SNCAIP: variants seen among roughly 807,000 people sequenced by gnomAD.
The protein encoded by SNCAIP is synphilin-1.
Under a neutral mutation model 86.7 loss-of-function variants are expected in SNCAIP, and 43 were observed. The ratio of observed to expected loss-of-function variants is 0.50; its 90% CI spans 0.39 to 0.64. The LOEUF is 0.64. Ranked by LOEUF, SNCAIP falls within the 30% of genes least tolerant of loss-of-function variation. The probability of loss-of-function intolerance (pLI) is 0.00; values close to 1 mark genes in which losing one functional copy is unlikely to be tolerated. For synonymous variants in SNCAIP, 417 were observed against 427.2 expected (o/e 0.98, Z 0.29); for missense variants, 981 against 1,103.1 (o/e 0.89, Z 1.57).
Position 122,372,369 on chromosome 5 carries a change from A to C in SNCAIP, c.-46-18720A>C, listed in dbSNP as rs575005240. 2.0e-5 allele frequency among the ~76,000 whole-genome samples: 3 copies of C among 152,280 alleles called. No individual in the cohort carries two copies. The South Asian group carries it at 6.2e-4, about 32-fold the overall frequency. On this transcript the variant is annotated intron_variant, in intron 1 of 10. Transcript: ENST00000261368. ...CTTAACACAAAGTCACTGAACACAG[A>C]GTTTGGAAGAGATGTGCACAGCTGT...
Position 122,432,132 on chromosome 5 carries a change from C to T in SNCAIP, c.1296+50C>T, listed in dbSNP as rs778369582. ...TTCCCTTTGTGTACCATATAATCTT[C>T]CTACTTTTTTATTATTAGTCCATCA... On this transcript the variant is annotated intron_variant, in intron 6 of 10. Coordinates refer to ENST00000261368, the MANE Select transcript of SNCAIP (RefSeq NM_005460.4). The T allele has an allele frequency of 1.8e-5, 15 of 820,608 alleles. No individual in the cohort carries two copies. In the South Asian group the frequency reaches 2.1e-4, roughly 11 times the overall value. The allele number at this position is 820,608 out of a possible 1,614,324, so 50.8% of individuals were successfully genotyped here.
Position 122,394,656 on chromosome 5 carries a change from T to C in SNCAIP, c.57+3465T>C, listed in dbSNP as rs150715367. On this transcript the variant is annotated intron_variant, in intron 2 of 10. Transcript: ENST00000261368. ...CCCTATGTCTTAAAAACAAAAACCC[T>C]CTGGAATTCTTTGGAGCTATGGTGT... 1.1e-3 allele frequency among the ~76,000 whole-genome samples: 172 copies of C among 152,316 alleles called. 3 individuals are homozygous for C. In the East Asian group the frequency reaches 0.03, roughly 27 times the overall value.
chr5:122,330,928 A>T (rs1008945996), intron 1 of SNCAIP, among the ~76,000 whole-genome samples: 1 of 151,198 alleles, frequency 6.6e-6, no homozygotes, highest in Non-Finnish European at 1.5e-5. Flanking sequence ...ATGGTTGTGG[A>T]GGGGTTGATG....
At chr5:122,443,143 A>G (rs867527725) in intron 7 of SNCAIP, among the ~76,000 whole-genome samples, 1 of 152,186 alleles carries the variant, frequency 6.6e-6, no homozygotes, top group African/African-American at 2.4e-5. Context: ...TTGACCTTTC[A>G]TGGTGAGTGA....
At chr5:122,392,775 T>A (rs2152843860) in intron 2 of SNCAIP, among the ~76,000 whole-genome samples, 1 of 152,328 alleles carries the variant, frequency 6.6e-6, no homozygotes, top group South Asian at 2.1e-4. Flanking sequence ...AGTAAAATAA[T>A]AATATATGTG....
intron 7 of SNCAIP, chr5:122,444,312 A>G (rs950838182): frequency 1.8e-6 from 1 of 554,496 alleles, no homozygotes; most frequent in African/African-American, 1.9e-5. Flanking sequence ...CATATCTCAT[A>G]AAGGAGAGCA....
intron 10 of SNCAIP, among the ~76,000 whole-genome samples, chr5:122,454,904 A>C (rs1434907715): frequency 2.0e-5 from 3 of 152,224 alleles, no homozygotes; most frequent in Non-Finnish European, 2.9e-5. Context: ...GATTACAAAA[A>C]TCAGAGCACA....
At chr5:122,366,358 G>A (rs1343611888) in intron 1 of SNCAIP, among the ~76,000 whole-genome samples, 1 of 152,212 alleles carries the variant, frequency 6.6e-6, no homozygotes, top group African/African-American at 2.4e-5. Flanking sequence ...GTATGTGTAT[G>A]TGAGAAAGAG....
chr5:122,384,366 G>A (rs1243100689), intron 1 of SNCAIP, among the ~76,000 whole-genome samples: 2 of 152,034 alleles, frequency 1.3e-5, no homozygotes, highest in African/African-American at 4.8e-5. Flanking sequence ...AATAATTTGA[G>A]CTAAAAAATG....
rs566214111 is a variant in SNCAIP, at chr5:122,453,348, C to T, written c.2754+1747C>T. Among the ~76,000 whole-genome samples the T allele has an allele frequency of 1.1e-3, 164 of 152,290 alleles. 1 individual carries two copies. The highest frequency in any genetic ancestry group is 3.8e-3 in the African/African-American group (157 of 41,560). ...TTCCTGTCATGGTGGAGTGAGTCAG[C>T]CTCCGATCAGAACTAGAACTTTGAA... is the stretch of plus-strand genomic sequence containing the variant. On this transcript the variant is annotated intron_variant, in intron 10 of 10. Coordinates refer to ENST00000261368, the MANE Select transcript of SNCAIP (RefSeq NM_005460.4).
At position 122,338,074 on chromosome 5, in the gene SNCAIP, G is replaced by A. The variant is rs1201105862; in HGVS notation, c.-47+25790G>A. ...TTGAAGTAAATGACAATCTCAACCG[G>A]AAGTATTTTAAGTCTTTTCTCAAGC... On this transcript the variant is annotated intron_variant, in intron 1 of 10. Coordinates refer to ENST00000261368, the MANE Select transcript of SNCAIP (RefSeq NM_005460.4). 3.9e-5 allele frequency among the ~76,000 whole-genome samples: 6 copies of A among 152,232 alleles called. No individual in the cohort carries two copies. In the East Asian group the frequency reaches 1.2e-3, roughly 29 times the overall value.
intron 1 of SNCAIP, among the ~76,000 whole-genome samples, chr5:122,386,522 C>T (rs575143886): frequency 6.6e-6 from 1 of 152,310 alleles, no homozygotes; most frequent in South Asian, 2.1e-4. Context: ...GTCCTACAAA[C>T]ATTGAGTGTA....
At chr5:122,412,267 TA>T (rs1271608383) in intron 3 of SNCAIP, among the ~76,000 whole-genome samples, 1 of 152,096 alleles carries the variant, frequency 6.6e-6, no homozygotes, top group Non-Finnish European at 1.5e-5. Context: ...CAAGCTGCTT[TA>T]AAAAGTCATG....
At chr5:122,444,094 A>C in intron 7 of SNCAIP, 1 of 457,172 alleles carries the variant, frequency 2.2e-6, no homozygotes, top group Non-Finnish European at 4.4e-6. Context: ...AGTTCTTTTT[A>C]TTCCTGATCA....
chr5:122,343,276 TC>T (rs1337781028), intron 1 of SNCAIP, among the ~76,000 whole-genome samples: 14 of 152,230 alleles, frequency 9.2e-5, no homozygotes, highest in Admixed American at 1.3e-4. Context: ...AGTCGTTTTC[TC>T]ATGTTTCCCC....
chr5:122,449,407 T>C (rs967125946), intron 8 of SNCAIP, among the ~76,000 whole-genome samples: 3 of 152,182 alleles, frequency 2.0e-5, no homozygotes, highest in Non-Finnish European at 4.4e-5. Context: ...AAATAGTATT[T>C]TGTAGTTTCC....
At chr5:122,457,559 C>G (rs1277459578) in intron 10 of SNCAIP, among the ~76,000 whole-genome samples, 1 of 152,094 alleles carries the variant, frequency 6.6e-6, no homozygotes, top group African/African-American at 2.4e-5. Flanking sequence ...CAATGCTTCC[C>G]CAAGTGTTCT....
intron 3 of SNCAIP, among the ~76,000 whole-genome samples, chr5:122,413,569 T>G (rs1225312797): frequency 6.6e-6 from 1 of 152,168 alleles, no homozygotes; most frequent in Non-Finnish European, 1.5e-5. Flanking sequence ...CTGAGCAGGA[T>G]TATATCTATT....
chr5:122,404,008 C>T (rs917657219), intron 3 of SNCAIP, 143 bp downstream of exon 3: 6 of 698,996 alleles, frequency 8.6e-6, no homozygotes, highest in Non-Finnish European at 1.3e-5. Context: ...CCCCCCACCT[C>T]ATGCCCTGCC....
Sources: gnomAD v4.1 joint callset for allele counts (sites outside exome capture counted in the v4.1 genomes callset) on GRCh38, gnomAD v4.1.1 for gene constraint, MANE v1.5 for transcripts, NCBI Gene and HGNC (gene_info 2026-07-23, HGNC 2026-07-21) for gene names.